Variants in DSCAM observed in about 807,000 individuals in gnomAD.
DSCAM encodes DS cell adhesion molecule.
Under a neutral mutation model 217.7 loss-of-function variants are expected in DSCAM, and 47 were observed. The ratio of observed to expected loss-of-function variants is 0.22; its 90% CI spans 0.17 to 0.28. The LOEUF (loss-of-function observed/expected upper bound fraction) is 0.28, where lower values mean the gene tolerates loss of function less well. Among genes scored for constraint, DSCAM ranks in the 10% least tolerant of loss-of-function variants. The probability of loss-of-function intolerance (pLI) is 1.00; values close to 1 mark genes in which losing one functional copy is unlikely to be tolerated. For missense variants in DSCAM, 2,080 were observed against 2,618.3 expected (o/e 0.79, Z 4.49); for synonymous variants, 1,056 against 1,015.3 (o/e 1.04, Z -0.76).
chr21:40,120,505 C>T (rs567791588), intron 20 of DSCAM, among the ~76,000 whole-genome samples: 6 of 152,246 alleles, frequency 3.9e-5, no homozygotes, highest in African/African-American at 1.4e-4. Context: ...TTCCTGGGAC[C>T]TTAAAAGGGT....
intron 11 of DSCAM, among the ~76,000 whole-genome samples, chr21:40,232,639 T>C (rs2091392400): frequency 6.6e-6 from 1 of 152,180 alleles, no homozygotes; most frequent in South Asian, 2.1e-4. Context: ...AGAGATGTTT[T>C]AGAGAAGAAG....
chr21:40,147,354 G>C (rs2090369108), intron 16 of DSCAM, among the ~76,000 whole-genome samples: 1 of 152,228 alleles, frequency 6.6e-6, no homozygotes, highest in Non-Finnish European at 1.5e-5. Context: ...CAGGTAGAAA[G>C]GAGAAATCTT....
At chr21:40,461,065 GGCTA>G (rs1231491959) in intron 3 of DSCAM, among the ~76,000 whole-genome samples, 10 of 152,092 alleles carry the variant, frequency 6.6e-5, no homozygotes, top group East Asian at 3.9e-4. Flanking sequence ...CATCAATAAA[GGCTA>G]GCTAAGTAAA....
chr21:40,498,970 C>T (rs1416562790), intron 3 of DSCAM, among the ~76,000 whole-genome samples: 3 of 151,286 alleles, frequency 2.0e-5, no homozygotes, highest in Admixed American at 6.6e-5. Context: ...GAGAATTTCT[C>T]ATTATAGCAA....
At chr21:40,754,908 C>T (rs767951113) in intron 1 of DSCAM, among the ~76,000 whole-genome samples, 13 of 152,194 alleles carry the variant, frequency 8.5e-5, no homozygotes, top group African/African-American at 2.7e-4. Context: ...CTATGGTAAG[C>T]ATTTCATTTG....
chr21:40,693,971 C>A (rs1481715950), intron 2 of DSCAM, among the ~76,000 whole-genome samples: 2 of 152,146 alleles, frequency 1.3e-5, no homozygotes, highest in African/African-American at 4.8e-5. Context: ...ACCATCTATA[C>A]CATGGGGATG....
At chr21:40,513,007 C>T (rs187396126) in intron 3 of DSCAM, 12 of 152,400 alleles carry the variant, frequency 7.9e-5, no homozygotes, top group African/African-American at 2.2e-4. Context: ...TCAAGCGATT[C>T]TCCTACCTCA....
At chr21:40,020,396 C>T (rs1161947091) in intron 32 of DSCAM, among the ~76,000 whole-genome samples, 1 of 152,086 alleles carries the variant, frequency 6.6e-6, no homozygotes, top group Non-Finnish European at 1.5e-5. Flanking sequence ...TGTGCTAAAA[C>T]TTCTATCCAC....
At chr21:40,193,277 A>C (rs1354186866) in intron 11 of DSCAM, among the ~76,000 whole-genome samples, 1 of 152,192 alleles carries the variant, frequency 6.6e-6, no homozygotes, top group Non-Finnish European at 1.5e-5. Flanking sequence ...CTCACCATGG[A>C]TCTGCCATCA....
chr21:40,263,261 C>T (rs1013113323), intron 11 of DSCAM, among the ~76,000 whole-genome samples: 5 of 152,100 alleles, frequency 3.3e-5, no homozygotes, highest in African/African-American at 9.7e-5. Flanking sequence ...TAAATAATTA[C>T]TTAATGGTTA....
chr21:40,708,419 GGCACAGAAAAAACAAA>G lies in DSCAM; in HGVS notation c.361+19_361+34del. The G allele has an allele frequency of 7.2e-7, 1 of 1,381,914 alleles. No homozygotes were observed. Among genetic ancestry groups the G allele is most frequent in the Non-Finnish European group, 9.4e-7 (1 of 1,058,608 alleles). The allele number at this position is 1,381,914 out of a possible 1,614,324, so 85.6% of individuals were successfully genotyped here. ...TGTCATTATCCTCCCATCCCAAGCA[GGCACAGAAAAAACAAA>G]GCCCAGAGCTGTACTCACCAGCCTT... On this transcript the variant is annotated intron_variant, in intron 2 of 32. Transcript: ENST00000400454.
At position 40,823,165 on chromosome 21, in the gene DSCAM, C is replaced by A. The variant is rs1203116592; in HGVS notation, c.43+23454G>T. ...ACACCAGCCCCCCAGCACCGCCCCC[C>A]CAAAAAAGAAAGAATGCTTAATCTT... is the stretch of plus-strand genomic sequence containing the variant. On this transcript the variant is annotated intron_variant, in intron 1 of 32. Coordinates refer to ENST00000400454, the MANE Select transcript of DSCAM (RefSeq NM_001389.5). 2.1e-5 allele frequency among the ~76,000 whole-genome samples: 3 copies of A among 140,700 alleles called. 1 individual carries two copies. The highest frequency in any genetic ancestry group is 5.2e-4 in the South Asian group (2 of 3,832). 92.3% of individuals were successfully genotyped at this position (140,700 alleles called of 152,430 possible).
At chr21:40,565,290 T>C (rs1425131128) in intron 3 of DSCAM, among the ~76,000 whole-genome samples, 11 of 152,144 alleles carry the variant, frequency 7.2e-5, no homozygotes, top group Admixed American at 7.2e-4. Flanking sequence ...AAGAAGACCA[T>C]GAAGAGGAAG....
chr21:40,181,434 C>T (rs558944379), intron 14 of DSCAM, among the ~76,000 whole-genome samples: 112 of 152,012 alleles, frequency 7.4e-4, no homozygotes, highest in Non-Finnish European at 1.1e-3. Flanking sequence ...TTGGTCATTC[C>T]GATGTATAGT....
intron 1 of DSCAM, among the ~76,000 whole-genome samples, chr21:40,838,827 T>C (rs1305801181): frequency 6.6e-6 from 1 of 152,202 alleles, no homozygotes; most frequent in Non-Finnish European, 1.5e-5. Context: ...TTCCACAGCA[T>C]CATCTTCTAG....
In DSCAM at chr21:40,429,002, CTGAGTACATACTGTATAGGAGGCTCTGAG is replaced by C. The variant is rs1166186238; in HGVS notation, c.509-59786_509-59758del. ...ACTTTTGACAGCCCCCACATGGCTA[CTGAGTACATACTGTATAGGAGGCTCTGAG>C]CTTGCTAGGCAAGGGAGATGAACTG... On this transcript the variant is annotated intron_variant, in intron 3 of 32. Coordinates refer to ENST00000400454, the MANE Select transcript of DSCAM (RefSeq NM_001389.5). Among the ~76,000 whole-genome samples the C allele has an allele frequency of 2.3e-3, 343 of 152,224 alleles. 2 individuals are homozygous for C. The highest frequency in any genetic ancestry group is 7.9e-3 in the African/African-American group (328 of 41,546).
At chr21:40,666,181 T>C (rs1568972279) in intron 3 of DSCAM, among the ~76,000 whole-genome samples, 1 of 152,124 alleles carries the variant, frequency 6.6e-6, no homozygotes. Flanking sequence ...CTGATGAAGA[T>C]AGGCACATAC....
At chr21:40,311,394 A>G (rs187509418) in intron 9 of DSCAM, among the ~76,000 whole-genome samples, 282 of 152,298 alleles carry the variant, frequency 1.9e-3, no homozygotes, top group Non-Finnish European at 3.2e-3. Context: ...GTGAGCCTTA[A>G]TGGGAATTTG....
At chr21:40,136,473 C>G (rs533215134) in intron 18 of DSCAM, among the ~76,000 whole-genome samples, 20 of 152,158 alleles carry the variant, frequency 1.3e-4, no homozygotes, top group African/African-American at 3.6e-4. Context: ...AGAGCCAGAC[C>G]CTGTCTTTAA....
Sources: gnomAD v4.1 joint callset for allele counts (sites outside exome capture counted in the v4.1 genomes callset) on GRCh38, gnomAD v4.1.1 for gene constraint, MANE v1.5 for transcripts, NCBI Gene and HGNC (gene_info 2026-07-23, HGNC 2026-07-21) for gene names.